Variants in ROBO2 observed in about 807,000 individuals in gnomAD.
ROBO2 encodes the protein roundabout guidance receptor 2.
In ROBO2, 53 loss-of-function variants were observed where a neutral mutation model predicts 160.8. The ratio of observed to expected loss-of-function variants is 0.33; its 90% CI spans 0.26 to 0.41. ROBO2 has a LOEUF of 0.41. Among genes scored for constraint, ROBO2 ranks in the 10% least tolerant of loss-of-function variants. The pLI is 1.00. For missense variants in ROBO2, 1,577 were observed against 1,722.4 expected (o/e 0.92, Z 1.49); for synonymous variants, 664 against 611.7 (o/e 1.09, Z -1.26).
intron 2 of ROBO2, among the ~76,000 whole-genome samples, chr3:77,034,573 G>C (rs1017392462): frequency 3.3e-5 from 5 of 151,826 alleles, no homozygotes; most frequent in African/African-American, 9.7e-5. Context: ...TTCCGTGATA[G>C]TATTGCAAGG....
chr3:76,624,140 A>G (rs1232865693), intron 2 of ROBO2, among the ~76,000 whole-genome samples: 1 of 152,190 alleles, frequency 6.6e-6, no homozygotes, highest in Non-Finnish European at 1.5e-5. Flanking sequence ...ATTAACTGCT[A>G]ATGTATTAAT....
At chr3:77,201,534 A>G (rs1382871746) in intron 2 of ROBO2, among the ~76,000 whole-genome samples, 3 of 152,230 alleles carry the variant, frequency 2.0e-5, no homozygotes, top group Non-Finnish European at 2.9e-5. Context: ...ACCAAGGAAC[A>G]TGATAAAATA....
chr3:76,077,699 C>A (rs899970852), intron 2 of ROBO2, among the ~76,000 whole-genome samples: 4 of 151,916 alleles, frequency 2.6e-5, no homozygotes, highest in Non-Finnish European at 5.9e-5. Context: ...GGAGGAAACA[C>A]ATGTGGGTAT....
At chr3:76,949,088 T>G (rs1234075458) in intron 2 of ROBO2, among the ~76,000 whole-genome samples, 3 of 151,182 alleles carry the variant, frequency 2.0e-5, no homozygotes, top group African/African-American at 7.3e-5. Context: ...TTTCATTTTT[T>G]GAGAGCCATG....
intron 2 of ROBO2, among the ~76,000 whole-genome samples, chr3:76,918,350 G>A (rs2076455278): frequency 6.6e-6 from 1 of 152,154 alleles, no homozygotes; most frequent in Non-Finnish European, 1.5e-5. Context: ...GTGAAGAGGT[G>A]CCTTCTGCCA....
At chr3:76,782,026 A>T (rs191695063) in intron 2 of ROBO2, among the ~76,000 whole-genome samples, 31 of 150,750 alleles carry the variant, frequency 2.1e-4, no homozygotes, top group African/African-American at 7.5e-4. Context: ...TTGATTACGG[A>T]TTCAGTCTAC....
chr3:77,319,475 A>G (rs1213395121), intron 2 of ROBO2, among the ~76,000 whole-genome samples: 1 of 152,202 alleles, frequency 6.6e-6, no homozygotes, highest in Non-Finnish European at 1.5e-5. Context: ...TGACAGAACA[A>G]CATTGAATAT....
At chr3:76,379,914 C>T (rs2076534362) in intron 2 of ROBO2, among the ~76,000 whole-genome samples, 1 of 152,042 alleles carries the variant, frequency 6.6e-6, no homozygotes, top group Non-Finnish European at 1.5e-5. Flanking sequence ...TTATTACTAG[C>T]TTTTGTCTCA....
chr3:77,513,184 A>C (rs983544856), intron 5 of ROBO2, among the ~76,000 whole-genome samples: 4 of 151,788 alleles, frequency 2.6e-5, no homozygotes, highest in Non-Finnish European at 4.4e-5. Context: ...TTTAATTTAT[A>C]TTTCTTAATT....
chr3:76,927,985 T>G (rs545711263), intron 2 of ROBO2, among the ~76,000 whole-genome samples: 1 of 152,328 alleles, frequency 6.6e-6, no homozygotes, highest in East Asian at 1.9e-4. Flanking sequence ...TTCACAGTGG[T>G]AGGCAGAATG....
At chr3:76,126,463 G>A (rs1249801262) in intron 2 of ROBO2, among the ~76,000 whole-genome samples, 1 of 152,034 alleles carries the variant, frequency 6.6e-6, no homozygotes, top group Non-Finnish European at 1.5e-5. Context: ...AGGCATACCT[G>A]TACAATAATG....
chr3:77,543,381 A>G (rs1415963609), intron 6 of ROBO2, among the ~76,000 whole-genome samples: 1 of 152,210 alleles, frequency 6.6e-6, no homozygotes, highest in Non-Finnish European at 1.5e-5. Context: ...CAATCAGTAC[A>G]TTTTGTGTGA....
At chr3:76,716,576 T>G (rs146284790) in intron 2 of ROBO2, among the ~76,000 whole-genome samples, 2 of 152,340 alleles carry the variant, frequency 1.3e-5, no homozygotes, top group African/African-American at 4.8e-5. Context: ...TATCACCTAA[T>G]GTGCTAGAGC....
intron 2 of ROBO2, among the ~76,000 whole-genome samples, chr3:76,173,242 A>G (rs1318376481): frequency 1.3e-5 from 2 of 151,796 alleles, no homozygotes; most frequent in East Asian, 1.9e-4. Flanking sequence ...GTGTGTGTAT[A>G]TATGTGTATA....
chr3:77,212,923 G>A (rs1384964210), intron 2 of ROBO2, among the ~76,000 whole-genome samples: 3 of 152,144 alleles, frequency 2.0e-5, no homozygotes, highest in Admixed American at 6.5e-5. Context: ...CAGGGATGAA[G>A]CCCACTTGAT....
intron 1 of ROBO2, among the ~76,000 whole-genome samples, chr3:77,093,442 A>G (rs938924713): frequency 6.6e-6 from 1 of 152,164 alleles, no homozygotes; most frequent in African/African-American, 2.4e-5. Flanking sequence ...GTTTTAGCCA[A>G]TAACATAGAA....
At chr3:77,538,740 A>G in intron 6 of ROBO2, 1 of 310,552 alleles carries the variant, frequency 3.2e-6, no homozygotes, top group Non-Finnish European at 6.4e-6. Context: ...AAATTAAATA[A>G]GTTGAAGAAA....
In ROBO2 at chr3:76,684,892, A is replaced by G. The variant is rs571322479; in HGVS notation, c.110-413122A>G. 1.8e-3 allele frequency among the ~76,000 whole-genome samples: 278 copies of G among 152,122 alleles called. 1 individual carries two copies. Among genetic ancestry groups the G allele is most frequent in the Middle Eastern group, 0.01 (3 of 294 alleles). On this transcript the variant is annotated intron_variant, in intron 2 of 26. Coordinates refer to the ROBO2 transcript ENST00000487694. ...TGATTTGTATGTGTATTTATTTTAAATAGCACTTGATTAGAAGAGAATTAA... is the reference window on the plus strand; with the variant it reads ...TGATTTGTATGTGTATTTATTTTAAGTAGCACTTGATTAGAAGAGAATTAA...
At chr3:76,835,928 T>G (rs1576947568) in intron 2 of ROBO2, among the ~76,000 whole-genome samples, 1 of 152,030 alleles carries the variant, frequency 6.6e-6, no homozygotes, top group East Asian at 1.9e-4. Flanking sequence ...CAATTTGGAT[T>G]CTTGAATTTG....
Sources: allele counts gnomAD v4.1 joint callset (sites outside exome capture counted in the v4.1 genomes callset), GRCh38; gene constraint gnomAD v4.1.1; transcripts MANE v1.5; gene names NCBI Gene and HGNC (gene_info 2026-07-23, HGNC 2026-07-21).